SGSM2: variants seen among roughly 807,000 people sequenced by gnomAD.
SGSM2 encodes the protein small G protein signaling modulator 2.
SGSM2 carries 89 observed loss-of-function variants against 126.6 expected under a neutral mutation model. The ratio of observed to expected loss-of-function variants is 0.70; its 90% CI spans 0.59 to 0.84. SGSM2 has a LOEUF of 0.84. Ranked by LOEUF, SGSM2 falls within the 40% of genes least tolerant of loss-of-function variation. The pLI is 0.00. For synonymous variants in SGSM2, 614 were observed against 574.3 expected (o/e 1.07, Z -0.99); for missense variants, 1,404 against 1,416.6 (o/e 0.99, Z 0.14).
At position 2,377,955 on chromosome 17, in the gene SGSM2, TAAG is replaced by T. The variant is rs1212278655; in HGVS notation, c.2899+6_2899+8del. 6.3e-7 allele frequency: 1 copy of T among 1,593,984 alleles called. No homozygotes were observed. Among genetic ancestry groups the T allele is most frequent in the Admixed American group, 1.7e-5 (1 of 59,920 alleles). The stretch of plus-strand genomic sequence containing the variant: ...GGTTCCTGCTGGATTTTAAGAGAGG[TAAG>T]AAGTGGGTTGGATCATGGGGCTGAG... On this transcript the variant is annotated splice_donor_5th_base_variant and intron_variant, in intron 22 of 23. Coordinates refer to ENST00000268989, the MANE Select transcript of SGSM2 (RefSeq NM_014853.3).
At position 2,378,937 on chromosome 17, in the gene SGSM2, C is replaced by T. The variant is rs953608715; in HGVS notation, c.2900-99C>T. 6.4e-6 allele frequency: 8 copies of T among 1,241,782 alleles called. No homozygotes were observed. The African/African-American group carries it at 1.4e-4, about 22-fold the overall frequency. 76.9% of individuals were successfully genotyped at this position (1,241,782 alleles called of 1,614,324 possible). On this transcript the variant is annotated intron_variant, in intron 22 of 23. Transcript: ENST00000268989. Reference sequence around the variant, plus strand: ...GCCCCAGCCCCAGCCTCAGCCTCAGCCTCAGCCCCAGCCTCAATCCCAGCC... The same window carrying T: ...GCCCCAGCCCCAGCCTCAGCCTCAGTCTCAGCCCCAGCCTCAATCCCAGCC...
At chr17:2,350,559 G>A (rs549016735) in intron 2 of SGSM2, among the ~76,000 whole-genome samples, 5 of 151,796 alleles carry the variant, frequency 3.3e-5, no homozygotes, top group South Asian at 2.1e-4. Context: ...GCAGTGAGCC[G>A]AGACCGTACC....
chr17:2,364,313 G>T (rs532782947), intron 8 of SGSM2, 130 bp downstream of exon 8: 1 of 1,225,294 alleles, frequency 8.2e-7, no homozygotes, highest in South Asian at 1.4e-5. Context: ...AAGAATAGCA[G>T]GGAGCGGCTG....
intron 2 of SGSM2, among the ~76,000 whole-genome samples, chr17:2,350,731 C>T (rs769880565): frequency 4.5e-4 from 69 of 152,224 alleles, no homozygotes; most frequent in Non-Finnish European, 6.9e-4. Context: ...TCCCTAGGAA[C>T]GAGAGGAAGG....
chr17:2,372,067 T>G lies in SGSM2; in HGVS notation c.1578-123T>G, dbSNP rs2065896353. On this transcript the variant is annotated intron_variant, in intron 13 of 23. Transcript: ENST00000268989. This position sits in a 1 kb window ranked among gnomAD's most constrained non-coding sequence, Gnocchi z 6.0. ...CCACTGACGGCTGCTGGGCTGCGGC[T>G]CCTCCTCCTCGCACCCTCCCCAGTG... The G allele has an allele frequency of 8.9e-7, 1 of 1,128,236 alleles. No individual in the cohort carries two copies. The highest frequency in any genetic ancestry group is 1.5e-5 in the African/African-American group (1 of 65,214). The allele number at this position is 1,128,236 out of a possible 1,614,324, so 69.9% of individuals were successfully genotyped here. A position where few individuals can be genotyped will look rare whatever the true frequency, so the allele number is the denominator to read the frequency against.
Position 2,381,003 on chromosome 17 carries a change from TCA to T in SGSM2, c.*1484_*1485del, listed in dbSNP as rs1374492204. ...GAGCAGAGTGTGTATGATTTTTGCC[TCA>T]GAAACTATACTCTTCTGTGTAACAG... On this transcript the variant is annotated 3_prime_UTR_variant, in exon 24 of 24. Coordinates refer to ENST00000268989, the MANE Select transcript of SGSM2 (RefSeq NM_014853.3). 6.5e-6 allele frequency: 1 copy of T among 152,804 alleles called. No homozygotes were observed. Among genetic ancestry groups the T allele is most frequent in the Non-Finnish European group, 1.5e-5 (1 of 68,524 alleles). 9.5% of individuals were successfully genotyped at this position (152,804 alleles called of 1,614,324 possible).
chr17:2,361,790 C>A lies in SGSM2; in HGVS notation c.287C>A (p.Ala96Glu). ...AAGGTACAGGAGCTGCAGCAACAAG[C>A]AGAGGGCAGGTGAGCCCTGGGCCAG... ...CHKVQELQQQ[A>E]EGRKPSGVSQ... The change falls in exon 3 of 24, where the codon GCA becomes GAA. Residue 96 changes from alanine to glutamate, a missense_variant. Ala to Glu is a moderately radical substitution (Grantham distance 107). Coordinates refer to ENST00000268989, the MANE Select transcript of SGSM2 (RefSeq NM_014853.3). 6.2e-7 allele frequency: 1 copy of A among 1,606,494 alleles called. No individual in the cohort carries two copies.
intron 11 of SGSM2, 91 bp downstream of exon 11, chr17:2,365,432 G>A: frequency 2.1e-6 from 3 of 1,414,208 alleles, no homozygotes; most frequent in Non-Finnish European, 2.8e-6. Flanking sequence ...AGCAGGCAGG[G>A]CCCACTGACC....
Position 2,367,334 on chromosome 17 carries a change from A to AGGAGGATAG in SGSM2, c.1360_1361insGGGAGGATA (p.Asp453_Lys454insArgGluAsp). Reference sequence around the variant, plus strand: ...GCCTCGGTGGACGATGATGAGGAAGAGGAGGATAAACTGCACGCGATGCTC... The same window carrying AGGAGGATAG: ...GCCTCGGTGGACGATGATGAGGAAGAGGAGGATAGGGAGGATAAACTGCACGCGATGCTC... On this transcript the variant is annotated inframe_insertion, in exon 12 of 24. Coordinates refer to ENST00000268989, the MANE Select transcript of SGSM2 (RefSeq NM_014853.3). The surrounding 1 kb of genome is among the most constrained non-coding windows in gnomAD (Gnocchi z 4.0). 1 of 1,614,190 alleles carries AGGAGGATAG rather than the reference A, an allele frequency of 6.2e-7. No individual in the cohort carries two copies. Among genetic ancestry groups the AGGAGGATAG allele is most frequent in the South Asian group, 1.1e-5 (1 of 91,076 alleles).
chr17:2,361,893 T>C (rs1377437306), intron 3 of SGSM2, 94 bp downstream of exon 3: 9 of 1,468,006 alleles, frequency 6.1e-6, no homozygotes, highest in Middle Eastern at 1.8e-4. Context: ...GTTGGCATCC[T>C]GGGCCTGTTC....
At chr17:2,364,379 TTGTC>T (rs1166037241) in intron 8 of SGSM2, 196 bp downstream of exon 8, 62 of 858,652 alleles carry the variant, frequency 7.2e-5, no homozygotes, top group South Asian at 6.6e-5. Context: ...GTGAAGAGGT[TTGTC>T]TGAGCCAAGC....
rs775348256 is a variant in SGSM2, at chr17:2,379,663, C to G, written c.*143C>G. ...GCGGTTGTGAGCCTGGATCCGACTC[C>G]CGGCAGTGCTGACCCTGCAGGGCAA... is the stretch of plus-strand genomic sequence containing the variant. On this transcript the variant is annotated 3_prime_UTR_variant, in exon 24 of 24. Transcript: ENST00000268989. 29 of 1,455,190 alleles carry G rather than the reference C, an allele frequency of 2.0e-5. No homozygotes were observed. The Middle Eastern group carries it at 7.6e-4, about 38-fold the overall frequency. 90.1% of individuals were successfully genotyped at this position (1,455,190 alleles called of 1,614,324 possible).
At chr17:2,364,410 G>A (rs984271127) in intron 8 of SGSM2, 186 bp from the exon 9 acceptor site, 14 of 811,614 alleles carry the variant, frequency 1.7e-5, no homozygotes, top group Non-Finnish European at 2.6e-5. Flanking sequence ...CGGCTGAGAC[G>A]GACAGCTGTC....
intron 1 of SGSM2, among the ~76,000 whole-genome samples, chr17:2,338,824 C>G (rs1322154462): frequency 7.1e-6 from 1 of 140,340 alleles, no homozygotes. Flanking sequence ...GTTGGGAGGC[C>G]TAGGTGGGTG....
chr17:2,364,533 C>T, intron 8 of SGSM2, 63 bp from the exon 9 acceptor site: 3 of 1,567,210 alleles, frequency 1.9e-6, no homozygotes, highest in Admixed American at 1.7e-5. Context: ...GACCAGGAGA[C>T]AAGGAAGGAA....
Position 2,364,674 on chromosome 17 carries a change from C to T in SGSM2, c.1000+11C>T. 6.2e-7 allele frequency: 1 copy of T among 1,614,164 alleles called. No homozygotes were observed. Among genetic ancestry groups the T allele is most frequent in the Non-Finnish European group, 8.5e-7 (1 of 1,179,996 alleles). On this transcript the variant is annotated intron_variant, in intron 9 of 23. Coordinates refer to ENST00000268989, the MANE Select transcript of SGSM2 (RefSeq NM_014853.3). ...ACTGCCACCAGCAAAGTAAGCCTGC[C>T]TTGTCCTCGGCTCGGGTGGGAAGGG...
intron 2 of SGSM2, among the ~76,000 whole-genome samples, chr17:2,354,948 GACCCCATATCTTA>G (rs1199084979): frequency 2.2e-4 from 29 of 129,796 alleles, no homozygotes; most frequent in African/African-American, 3.9e-4. Flanking sequence ...TTGGGGAAGG[GACCCCATATCTTA>G]GAATGGTGGA....
intron 2 of SGSM2, among the ~76,000 whole-genome samples, chr17:2,357,468 A>C (rs564071523): frequency 6.6e-6 from 1 of 152,268 alleles, no homozygotes; most frequent in Admixed American, 6.5e-5. Context: ...ATTCGCAGCA[A>C]CCTGGATGGG....
intron 2 of SGSM2, among the ~76,000 whole-genome samples, chr17:2,345,938 T>G (rs2064580567): frequency 6.6e-6 from 1 of 152,142 alleles, no homozygotes; most frequent in Non-Finnish European, 1.5e-5. Flanking sequence ...GCAGCTTCCT[T>G]GCATTGCATG....
Sources: allele counts gnomAD v4.1 joint callset (sites outside exome capture counted in the v4.1 genomes callset), GRCh38; gene constraint gnomAD v4.1.1; non-coding constraint Gnocchi (gnomAD v3.1); transcripts MANE v1.5; gene names NCBI Gene and HGNC (gene_info 2026-07-23, HGNC 2026-07-21).